The following TPRG1 variants were observed in gnomAD, a reference collection of about 807,000 sequenced individuals.
TPRG1 encodes the protein tumor protein p63-regulated gene 1 protein.
Under a neutral mutation model 29.3 loss-of-function variants are expected in TPRG1, and 29 were observed. The observed-to-expected ratio is 0.99, with a 90% confidence interval of 0.74 to 1.35. The LOEUF is 1.35. Among genes scored for constraint, TPRG1 ranks in the 40% most tolerant of loss-of-function variants. TPRG1 has a pLI of 0.00. For synonymous variants in TPRG1, 130 were observed against 116.8 expected (o/e 1.11, Z -0.73); for missense variants, 327 against 335.0 (o/e 0.98, Z 0.19).
chr3:189,077,412 TAGTTAGTTTGCCTAACTAAC>T, intron 4 of TPRG1, among the ~76,000 whole-genome samples: 1 of 151,836 alleles, frequency 6.6e-6, no homozygotes, highest in Admixed American at 6.6e-5. Flanking sequence ...AACTAATAGT[TAGTTAGTTTGCCTAACTAAC>T]AGTTAGGCAA....
intron 3 of TPRG1, among the ~76,000 whole-genome samples, chr3:189,013,983 G>T (rs1193460216): frequency 6.6e-6 from 1 of 152,018 alleles, no homozygotes; most frequent in Non-Finnish European, 1.5e-5. Flanking sequence ...TTTCATTGGG[G>T]GCCCATGTCG....
chr3:189,287,400 C>CTTTTTTTT (rs79217716), intron 4 of TPRG1, among the ~76,000 whole-genome samples: 1 of 140,712 alleles, frequency 7.1e-6, no homozygotes, highest in Non-Finnish European at 1.6e-5. Flanking sequence ...TTCTTTCTTT[C>CTTTTTTTT]TTTTTTTTTT....
At chr3:189,079,024 A>G (rs540590770) in intron 4 of TPRG1, among the ~76,000 whole-genome samples, 3 of 152,308 alleles carry the variant, frequency 2.0e-5, no homozygotes, top group South Asian at 2.1e-4. Flanking sequence ...TGCAGATGGT[A>G]TAAGAAGCAT....
chr3:189,162,382 T>A (rs1332008827), intron 5 of TPRG1, among the ~76,000 whole-genome samples: 2 of 152,176 alleles, frequency 1.3e-5, no homozygotes, highest in Admixed American at 1.3e-4. Context: ...CTGAAGAATA[T>A]GATATGCACA....
At chr3:189,062,452 A>G (rs1716176634) in intron 4 of TPRG1, among the ~76,000 whole-genome samples, 1 of 152,214 alleles carries the variant, frequency 6.6e-6, no homozygotes, top group Non-Finnish European at 1.5e-5. Context: ...ACTTTAAAAA[A>G]AGAAAATGAT....
upstream of TPRG1, among the ~76,000 whole-genome samples, chr3:189,167,682 G>A (rs1213064398): frequency 9.2e-5 from 14 of 152,190 alleles, no homozygotes; most frequent in Non-Finnish European, 5.9e-5. Flanking sequence ...GGTTGGGGTG[G>A]ATCAGAAAGT....
upstream of TPRG1, among the ~76,000 whole-genome samples, chr3:189,096,531 T>A (rs1371023990): frequency 6.6e-6 from 1 of 152,242 alleles, no homozygotes; most frequent in Non-Finnish European, 1.5e-5. Context: ...TTCTGACCTG[T>A]TCTTCTACAG....
intron 3 of TPRG1, among the ~76,000 whole-genome samples, chr3:189,142,380 A>G (rs976245065): frequency 6.6e-6 from 1 of 152,058 alleles, no homozygotes; most frequent in Non-Finnish European, 1.5e-5. Flanking sequence ...TTTAAAACCC[A>G]TATCCCATGC....
chr3:189,255,498 C>T (rs1373007660), intron 4 of TPRG1, among the ~76,000 whole-genome samples: 4 of 151,684 alleles, frequency 2.6e-5, no homozygotes, highest in African/African-American at 2.4e-5. Context: ...TTTTCTTGTG[C>T]GTCTACCGGG....
At chr3:189,202,831 G>T (rs146685080) in intron 1 of TPRG1, among the ~76,000 whole-genome samples, 7 of 152,120 alleles carry the variant, frequency 4.6e-5, no homozygotes, top group Admixed American at 1.3e-4. Context: ...CATGGAAGCC[G>T]TATCTCTCAG....
At chr3:189,002,760 T>C (rs930457837) in intron 2 of TPRG1, among the ~76,000 whole-genome samples, 6 of 152,158 alleles carry the variant, frequency 3.9e-5, no homozygotes, top group African/African-American at 1.4e-4. Flanking sequence ...TCCAGTACAA[T>C]AGAGGACTTG....
At chr3:189,174,218 A>T (rs1359184223) in intron 1 of TPRG1, among the ~76,000 whole-genome samples, 1 of 152,238 alleles carries the variant, frequency 6.6e-6, no homozygotes, top group African/African-American at 2.4e-5. Context: ...AGGTGAATCC[A>T]GCATGCAGAT....
chr3:189,226,908 A>G (rs1182118295), intron 3 of TPRG1, among the ~76,000 whole-genome samples: 1 of 152,018 alleles, frequency 6.6e-6, no homozygotes, highest in African/African-American at 2.4e-5. Context: ...TGTTAAAGAG[A>G]CAATAAGGGA....
intron 1 of TPRG1, among the ~76,000 whole-genome samples, chr3:189,204,906 CT>C (rs1384697562): frequency 6.6e-6 from 1 of 151,550 alleles, no homozygotes; most frequent in Non-Finnish European, 1.5e-5. Context: ...CTCTGTCTGT[CT>C]TTCTTTCTCT....
At chr3:189,199,705 G>A (rs1239547273) in intron 1 of TPRG1, among the ~76,000 whole-genome samples, 1 of 152,060 alleles carries the variant, frequency 6.6e-6, no homozygotes, top group African/African-American at 2.4e-5. Flanking sequence ...GCTGGGTTTG[G>A]TGGCGGACAC....
chr3:189,065,008 G>A (rs1716345730), intron 4 of TPRG1, among the ~76,000 whole-genome samples: 2 of 152,212 alleles, frequency 1.3e-5, no homozygotes, highest in African/African-American at 4.8e-5. Flanking sequence ...GGACAACAAG[G>A]TGAGACTCCA....
chr3:189,015,537 G>A (rs546395544), intron 3 of TPRG1, among the ~76,000 whole-genome samples: 1 of 152,326 alleles, frequency 6.6e-6, no homozygotes, highest in South Asian at 2.1e-4. Flanking sequence ...AATGCCCCCA[G>A]TGCATGTCAC....
chr3:189,249,336 G>C lies in TPRG1; in HGVS notation c.479+10427G>C, dbSNP rs143233308. On this transcript the variant is annotated intron_variant, in intron 4 of 5. Coordinates refer to ENST00000345063, the MANE Select transcript of TPRG1 (RefSeq NM_198485.4). The stretch of plus-strand genomic sequence containing the variant: ...TTTAGATGTAATATTTTTCATTATA[G>C]AGTTTAATTACTTTAATACCTTTCC... 2.0e-3 allele frequency among the ~76,000 whole-genome samples: 309 copies of C among 151,758 alleles called. 2 individuals are homozygous for C. Among genetic ancestry groups the C allele is most frequent in the African/African-American group, 7.2e-3 (297 of 41,486 alleles).
intron 4 of TPRG1, among the ~76,000 whole-genome samples, chr3:189,241,010 T>G (rs923387202): frequency 6.6e-6 from 1 of 152,190 alleles, no homozygotes; most frequent in Non-Finnish European, 1.5e-5. Context: ...CCCTCATTGA[T>G]GTATATCTAT....
Sources: gnomAD v4.1 joint callset for allele counts (sites outside exome capture counted in the v4.1 genomes callset) on GRCh38, gnomAD v4.1.1 for gene constraint, MANE v1.5 for transcripts, NCBI Gene and HGNC (gene_info 2026-07-23, HGNC 2026-07-21) for gene names.